NRG3: variants seen among roughly 807,000 people sequenced by gnomAD.
The protein encoded by NRG3 is pro-neuregulin-3, membrane-bound isoform.
NRG3 carries 31 observed loss-of-function variants against 66.9 expected under a neutral mutation model. That is an observed-to-expected ratio of 0.46 (90% CI 0.35 to 0.63). The LOEUF is 0.63. Ranked by LOEUF, NRG3 falls within the 20% of genes least tolerant of loss-of-function variation. NRG3 has a pLI of 0.00. For synonymous variants in NRG3, 393 were observed against 359.4 expected (o/e 1.09, Z -1.06); for missense variants, 910 against 878.9 (o/e 1.04, Z -0.45).
chr10:82,009,350 G>T (rs2061490578), intron 1 of NRG3, among the ~76,000 whole-genome samples: 1 of 152,106 alleles, frequency 6.6e-6, no homozygotes, highest in South Asian at 2.1e-4. Context: ...AGTAGACTAG[G>T]TACTGTCTTC....
At chr10:82,674,779 C>A (rs975481845) in intron 2 of NRG3, among the ~76,000 whole-genome samples, 2 of 145,116 alleles carry the variant, frequency 1.4e-5, no homozygotes, top group Non-Finnish European at 3.0e-5. Context: ...GTAATGAATT[C>A]TTTAACCACC....
chr10:82,516,610 C>T (rs1210212058), intron 2 of NRG3, among the ~76,000 whole-genome samples: 1 of 152,060 alleles, frequency 6.6e-6, no homozygotes, highest in Non-Finnish European at 1.5e-5. Context: ...ATAATAATGC[C>T]TCTTGTATTA....
At chr10:81,962,790 C>T (rs531200652) in intron 1 of NRG3, among the ~76,000 whole-genome samples, 3 of 152,294 alleles carry the variant, frequency 2.0e-5, no homozygotes, top group Admixed American at 6.5e-5. Context: ...CTCCTTGGAG[C>T]TGGTCTTGCT....
chr10:82,616,088 A>T (rs990219729), intron 2 of NRG3, among the ~76,000 whole-genome samples: 1 of 152,178 alleles, frequency 6.6e-6, no homozygotes, highest in Non-Finnish European at 1.5e-5. Flanking sequence ...GCAAACATAC[A>T]CTGAAAACCT....
At chr10:82,918,021 T>TAC (rs1846049383) in intron 4 of NRG3, among the ~76,000 whole-genome samples, 3 of 149,224 alleles carry the variant, frequency 2.0e-5, no homozygotes, top group East Asian at 2.0e-4. Flanking sequence ...TCTATATATA[T>TAC]ACATACATAT....
chr10:81,960,288 C>G (rs1373593743), intron 1 of NRG3, among the ~76,000 whole-genome samples: 1 of 152,126 alleles, frequency 6.6e-6, no homozygotes, highest in African/African-American at 2.4e-5. Flanking sequence ...GCATAGATGA[C>G]TATAACTTCA....
intron 1 of NRG3, among the ~76,000 whole-genome samples, chr10:82,007,172 A>G (rs1367050956): frequency 6.6e-6 from 1 of 151,736 alleles, no homozygotes; most frequent in Non-Finnish European, 1.5e-5. Context: ...GTGCTATTAT[A>G]AAAGTAACTC....
At chr10:82,951,334 GT>G (rs1849495747) in intron 4 of NRG3, 134 bp from the exon 5 acceptor site, 1 of 619,586 alleles carries the variant, frequency 1.6e-6, no homozygotes, top group African/African-American at 1.8e-5. Flanking sequence ...TAAGTTCCTT[GT>G]TTTTTCCCTA....
chr10:81,876,589 A>G (rs1224266366), intron 1 of NRG3, among the ~76,000 whole-genome samples: 1 of 152,234 alleles, frequency 6.6e-6, no homozygotes, highest in Non-Finnish European at 1.5e-5. Context: ...TAGGAAGGAA[A>G]GAAAGCAAAG....
At chr10:81,959,188 A>C (rs929263854) in intron 1 of NRG3, among the ~76,000 whole-genome samples, 1 of 152,214 alleles carries the variant, frequency 6.6e-6, no homozygotes, top group African/African-American at 2.4e-5. Context: ...GATGACAGGA[A>C]GGGGACCCAG....
chr10:82,919,786 G>A (rs551821859), intron 4 of NRG3, among the ~76,000 whole-genome samples: 5 of 152,048 alleles, frequency 3.3e-5, no homozygotes, highest in Non-Finnish European at 7.4e-5. Flanking sequence ...TGCTATTCAC[G>A]TGACTGCCCT....
intron 1 of NRG3, among the ~76,000 whole-genome samples, chr10:82,315,551 C>T (rs1006791817): frequency 1.3e-5 from 2 of 152,012 alleles, no homozygotes; most frequent in African/African-American, 2.4e-5. Context: ...CCAAAGGTGC[C>T]GTCTTTGAAG....
intron 1 of NRG3, among the ~76,000 whole-genome samples, chr10:82,047,833 T>C (rs2063382430): frequency 6.6e-6 from 1 of 152,094 alleles, no homozygotes; most frequent in Non-Finnish European, 1.5e-5. Flanking sequence ...TACCCATCAG[T>C]GTGCTATATT....
chr10:82,707,430 C>T (rs975875831), intron 2 of NRG3, among the ~76,000 whole-genome samples: 1 of 151,760 alleles, frequency 6.6e-6, no homozygotes, highest in African/African-American at 2.4e-5. Flanking sequence ...GCACAAACAA[C>T]CTGGGCAACA....
intron 2 of NRG3, among the ~76,000 whole-genome samples, chr10:82,680,491 T>C (rs17100480): frequency 0.041 from 6,285 of 152,304 alleles, 444 homozygotes; most frequent in African/African-American, 0.14. Context: ...GACACATGCT[T>C]CTTCTAAAAT....
chr10:82,788,261 T>G (rs1244746583), intron 3 of NRG3, among the ~76,000 whole-genome samples: 1 of 152,044 alleles, frequency 6.6e-6, no homozygotes, highest in African/African-American at 2.4e-5. Context: ...CTTATACAGG[T>G]AAATAGAATC....
At chr10:82,836,298 T>C (rs1164055785) in intron 3 of NRG3, among the ~76,000 whole-genome samples, 1 of 152,152 alleles carries the variant, frequency 6.6e-6, no homozygotes, top group Non-Finnish European at 1.5e-5. Context: ...CAGAGATGTA[T>C]TGAGAGTTAA....
intron 7 of NRG3, among the ~76,000 whole-genome samples, chr10:82,975,484 C>G (rs1183356193): frequency 6.6e-6 from 1 of 152,164 alleles, no homozygotes; most frequent in Non-Finnish European, 1.5e-5. Context: ...CTAGGAGTCA[C>G]TCACAGATTA....
chr10:82,091,519 G>T (rs980106601), intron 1 of NRG3, among the ~76,000 whole-genome samples: 8 of 152,038 alleles, frequency 5.3e-5, no homozygotes, highest in South Asian at 2.1e-4. Flanking sequence ...GGCTGAATTG[G>T]ATTCCATTGC....
Sources: gnomAD v4.1 joint callset for allele counts (sites outside exome capture counted in the v4.1 genomes callset) on GRCh38, gnomAD v4.1.1 for gene constraint, MANE v1.5 for transcripts, NCBI Gene and HGNC (gene_info 2026-07-23, HGNC 2026-07-21) for gene names.